MYH14: variants seen among roughly 807,000 people sequenced by gnomAD.
The protein encoded by MYH14 is myosin heavy chain 14, also known as myosin-14.
Under a neutral mutation model 255.5 loss-of-function variants are expected in MYH14, and 123 were observed. The ratio of observed to expected loss-of-function variants is 0.48; its 90% CI spans 0.42 to 0.56. The LOEUF is 0.56. Among genes scored for constraint, MYH14 ranks in the 20% least tolerant of loss-of-function variants. The probability of loss-of-function intolerance (pLI) is 0.00; values close to 1 mark genes in which losing one functional copy is unlikely to be tolerated. For synonymous variants in MYH14, 1,095 were observed against 1,161.2 expected, an observed-to-expected ratio of 0.94 and a Z score of 1.16; for missense variants, 2,423 against 2,802.3, an observed-to-expected ratio of 0.86 and a Z score of 3.06.
intron 39 of MYH14, among the ~76,000 whole-genome samples, chr19:50,299,855 A>G (rs887370788): frequency 2.0e-5 from 3 of 149,284 alleles, no homozygotes; most frequent in African/African-American, 7.4e-5. Flanking sequence ...TGAGGCAAGA[A>G]AATCGCTTGA....
intron 29 of MYH14, among the ~76,000 whole-genome samples, chr19:50,277,227 A>G (rs1003019308): frequency 7.2e-5 from 11 of 152,160 alleles, no homozygotes; most frequent in Admixed American, 3.9e-4. Context: ...GGCCATAATG[A>G]ACAGGAAAAA....
In MYH14 at chr19:50,309,077, G is replaced by A; in HGVS notation, c.5860G>A (p.Ala1954Thr). ...LEEAEEEASR[A>T]QAGRRRLQRE... ...GGAGGCCGAGGAGGAGGCATCCCGG[G>A]CTCAGGCCGGCCGCCGGAGGCTGCA... Residue 1954 changes from alanine (A) to threonine (T), a missense_variant, in exon 42 of 43, where the codon GCT becomes ACT. By Grantham distance (58) the Ala-to-Thr change is moderately conservative (BLOSUM62 0). This residue lies in a region of MYH14 where 1,513 missense variants were observed against 1,674.8 expected (regional missense o/e 0.90). Coordinates refer to ENST00000642316, the MANE Select transcript of MYH14 (RefSeq NM_001145809.2). 2 of 1,613,874 alleles carry A rather than the reference G, an allele frequency of 1.2e-6. No individual in the cohort carries two copies. Among genetic ancestry groups the A allele is most frequent in the South Asian group, 1.1e-5 (1 of 91,086 alleles).
At chr19:50,218,020 G>C (rs1294744585) in intron 3 of MYH14, among the ~76,000 whole-genome samples, 1 of 151,904 alleles carries the variant, frequency 6.6e-6, no homozygotes, top group Non-Finnish European at 1.5e-5. Context: ...AGTTTGAGAC[G>C]GAGTCTTGCT....
At position 50,266,059 on chromosome 19, in the gene MYH14, G is replaced by C. The variant is rs1025633196; in HGVS notation, c.2695-818G>C. Among the ~76,000 whole-genome samples, 2 of 152,168 alleles carry C rather than the reference G, an allele frequency of 1.3e-5. No individual in the cohort carries two copies. The highest frequency in any genetic ancestry group is 4.8e-5 in the African/African-American group (2 of 41,436). ...GAGAATAGAAGGGATACAGAATTGG[G>C]TGGAGAGGAAAAGAATCAAGTAGAC... On this transcript the variant is annotated intron_variant, in intron 22 of 42. Coordinates refer to ENST00000642316, the MANE Select transcript of MYH14 (RefSeq NM_001145809.2). The surrounding 1 kb of genome is among the most constrained non-coding windows in gnomAD (Gnocchi z 4.1).
Position 50,276,171 on chromosome 19 carries a change from G to T in MYH14, c.3648G>T (p.Thr1216=), listed in dbSNP as rs769824862. 3.9e-6 allele frequency: 6 copies of T among 1,554,916 alleles called. No individual in the cohort carries two copies. The highest frequency in any genetic ancestry group is 1.4e-5 in the African/African-American group (1 of 73,340). Residue 1216 remains threonine, a synonymous_variant, in exon 28 of 43, where the codon ACG becomes ACT. Transcript: ENST00000642316. This position sits in a 1 kb window ranked among gnomAD's most constrained non-coding sequence, Gnocchi z 4.3. ...LEALRGELED[T]LDSTNAQQEL... ...CGCTGCGGGGCGAGCTGGAGGACAC[G>T]CTGGACTCCACCAACGCACAGCAGG...
chr19:50,249,571 G>GTCTCTGGGTCTCTGTCCCCTA, intron 13 of MYH14, 79 bp from the exon 14 acceptor site: 2 of 1,557,326 alleles, frequency 1.3e-6, no homozygotes, highest in Non-Finnish European at 1.8e-6. Flanking sequence ...TCTGTCCCCT[G>GTCTCTGGGTCTCTGTCCCCTA]TCTCTGGGTC....
chr19:50,281,916 C>CAGT (rs2035739684), intron 33 of MYH14, 74 bp downstream of exon 33: 1 of 1,511,980 alleles, frequency 6.6e-7, no homozygotes, highest in Non-Finnish European at 9.0e-7. Flanking sequence ...TGTGAGGAAC[C>CAGT]AGTAATCCGT....
chr19:50,238,379 C>T (rs1439643819), intron 10 of MYH14, among the ~76,000 whole-genome samples: 1 of 152,218 alleles, frequency 6.6e-6, no homozygotes, highest in Non-Finnish European at 1.5e-5. Context: ...AAGGAATGAT[C>T]ATTAAGTTTG....
Position 50,268,356 on chromosome 19 carries a change from C to G in MYH14, c.3022C>G (p.Gln1008Glu), listed in dbSNP as rs2035171630. The change falls in exon 24 of 43, where the codon CAG (glutamine) becomes GAG (glutamate). Residue 1008 changes from glutamine to glutamate, a missense_variant. By Grantham distance (29) the Gln-to-Glu change is conservative. Transcript: ENST00000642316. The stretch of plus-strand genomic sequence containing the variant: ...GCAAACCGAGAAGAAGAGGCTGCAG[C>G]AGCACATACAGGTCTGGCCCCTTGC... The part of the protein sequence containing the change: ...QMQTEKKRLQ[Q>E]HIQELEAHLE... 1.3e-6 allele frequency: 2 copies of G among 1,568,790 alleles called. No individual in the cohort carries two copies. Among genetic ancestry groups the G allele is most frequent in the African/African-American group, 2.7e-5 (2 of 73,766 alleles).
In MYH14 at chr19:50,293,918, G is replaced by A. The variant is rs1203859780; in HGVS notation, c.5469+231G>A. ...TGGGGAAACAGACATGGGCCAGCAA[G>A]TGTGATCATGGAAGTCTCCTGGGCC... On this transcript the variant is annotated intron_variant, in intron 39 of 42. Coordinates refer to ENST00000642316, the MANE Select transcript of MYH14 (RefSeq NM_001145809.2). The surrounding 1 kb of genome is among the most constrained non-coding windows in gnomAD (Gnocchi z 4.1). 6.6e-6 allele frequency among the ~76,000 whole-genome samples: 1 copy of A among 152,160 alleles called. No homozygotes were observed. The highest frequency in any genetic ancestry group is 2.4e-5 in the African/African-American group (1 of 41,450).
chr19:50,222,370 C>G (rs542958921), intron 3 of MYH14, among the ~76,000 whole-genome samples: 1 of 149,652 alleles, frequency 6.7e-6, no homozygotes, highest in African/African-American at 2.5e-5. Flanking sequence ...GTCCCAGGTA[C>G]TTGGGAGGTT....
intron 34 of MYH14, among the ~76,000 whole-genome samples, chr19:50,287,454 C>G (rs2035929873): frequency 6.6e-6 from 1 of 152,118 alleles, no homozygotes; most frequent in Non-Finnish European, 1.5e-5. Flanking sequence ...GCTCTGTTGC[C>G]CAGGCTGGAG....
chr19:50,306,483 CAGAA>C (rs1325770247), intron 40 of MYH14, among the ~76,000 whole-genome samples: 2 of 152,136 alleles, frequency 1.3e-5, no homozygotes, highest in African/African-American at 4.8e-5. Context: ...GGTGTAAGGG[CAGAA>C]AGAGTGTTCC....
At chr19:50,303,775 A>G (rs1375542330) in intron 40 of MYH14, among the ~76,000 whole-genome samples, 1 of 152,214 alleles carries the variant, frequency 6.6e-6, no homozygotes, top group Non-Finnish European at 1.5e-5. Flanking sequence ...CAATTGCACC[A>G]AGAACCATAC....
chr19:50,256,104 C>T (rs369047737), intron 17 of MYH14, among the ~76,000 whole-genome samples: 1 of 151,612 alleles, frequency 6.6e-6, no homozygotes, highest in South Asian at 2.1e-4. Context: ...ACAGGAAGAC[C>T]CCGTCTCTAC....
chr19:50,253,992 C>T (rs550459180), intron 16 of MYH14, among the ~76,000 whole-genome samples: 35 of 152,088 alleles, frequency 2.3e-4, no homozygotes, highest in Non-Finnish European at 3.7e-4. Flanking sequence ...CCAAGGTGGA[C>T]GGGTCACCTG....
At position 50,260,807 on chromosome 19, in the gene MYH14, ATGCGTGTGTGTGCAAGTGTGTG is replaced by A. The variant is rs2034808929; in HGVS notation, c.2424+96_2424+117del. 4 of 957,152 alleles carry A rather than the reference ATGCGTGTGTGTGCAAGTGTGTG, an allele frequency of 4.2e-6. No individual in the cohort carries two copies. In the Admixed American group the frequency reaches 6.5e-5, roughly 16 times the overall value. The allele number at this position is 957,152 out of a possible 1,614,324, so 59.3% of individuals were successfully genotyped here. The stretch of plus-strand genomic sequence containing the variant: ...TGTGTGTGTGCATGCATATGTGTGC[ATGCGTGTGTGTGCAAGTGTGTG>A]TGCATGCACGTGTGTGCGTGTGTGT... On this transcript the variant is annotated intron_variant, in intron 20 of 42. Transcript: ENST00000642316.
At chr19:50,296,487 G>A (rs995276167) in intron 39 of MYH14, among the ~76,000 whole-genome samples, 8 of 152,110 alleles carry the variant, frequency 5.3e-5, no homozygotes, top group Non-Finnish European at 1.2e-4. Context: ...CACGCCTGCG[G>A]CCCCAGCTAC....
chr19:50,214,702 G>T (rs2032378618), intron 2 of MYH14, among the ~76,000 whole-genome samples: 1 of 152,136 alleles, frequency 6.6e-6, no homozygotes, highest in Non-Finnish European at 1.5e-5. Flanking sequence ...TGAGTGATGA[G>T]CCTGAGAGTT....
Sources: gnomAD v4.1 joint callset for allele counts (sites outside exome capture counted in the v4.1 genomes callset) on GRCh38, gnomAD v4.1.1 for gene constraint, gnomAD v4.1.1 regional missense constraint, Gnocchi (gnomAD v3.1) non-coding constraint, MANE v1.5 for transcripts, NCBI Gene and HGNC (gene_info 2026-07-23, HGNC 2026-07-21) for gene names.